The following NHSL1 variants were observed in gnomAD, a reference collection of about 807,000 sequenced individuals.
NHSL1 encodes NHS-like protein 1.
A neutral mutation model predicts 95.0 loss-of-function variants in NHSL1; 48 were observed. The ratio of observed to expected loss-of-function variants is 0.51; its 90% CI spans 0.40 to 0.64. NHSL1 has a LOEUF of 0.64. NHSL1 is among the 30% of genes least tolerant of loss of function. NHSL1 has a pLI of 0.00. For missense variants in NHSL1, 1,971 were observed against 2,077.7 expected (o/e 0.95, Z 1.00); for synonymous variants, 783 against 833.9 (o/e 0.94, Z 1.05).
In NHSL1 at chr6:138,432,441, C is replaced by A; in HGVS notation, c.1904G>T (p.Ser635Ile). ...SSDGFGNPRH[S>I]VINVFVGRAQ... The stretch of plus-strand genomic sequence containing the variant: ...TCTTCCAACAAAAACATTGATCACG[C>A]TGTGCCTGGGGTTCCCAAAGCCATC... The change falls in exon 6 of 8, where the codon AGC (serine) becomes ATC (isoleucine). Residue 635 changes from serine to isoleucine, a missense_variant. Physicochemically the swap from Ser to Ile is moderately radical, Grantham distance 142. Transcript: ENST00000343505. This position sits in a 1 kb window ranked among gnomAD's most constrained non-coding sequence, Gnocchi z 4.4. The A allele has an allele frequency of 6.4e-7, 1 of 1,552,384 alleles. No individual in the cohort carries two copies. Among genetic ancestry groups the A allele is most frequent in the Non-Finnish European group, 8.7e-7 (1 of 1,147,144 alleles).
intron 1 of NHSL1, among the ~76,000 whole-genome samples, chr6:138,557,901 G>T (rs961354459): frequency 6.6e-6 from 1 of 152,176 alleles, no homozygotes; most frequent in Non-Finnish European, 1.5e-5. Flanking sequence ...CACAAACCAT[G>T]ACCTGTAAAC....
intron 1 of NHSL1, among the ~76,000 whole-genome samples, chr6:138,551,022 A>G (rs2128332833): frequency 6.6e-6 from 1 of 152,306 alleles, no homozygotes; most frequent in East Asian, 1.9e-4. Flanking sequence ...TGAGGTCCAA[A>G]AATATTAAAA....
intron 1 of NHSL1, among the ~76,000 whole-genome samples, chr6:138,630,186 G>A (rs1038931167): frequency 3.3e-5 from 5 of 151,376 alleles, no homozygotes; most frequent in South Asian, 2.1e-4. Context: ...CAGCCTGAGC[G>A]ACAGAGTAAG....
At chr6:138,482,995 G>C (rs1472264603) in intron 2 of NHSL1, among the ~76,000 whole-genome samples, 2 of 152,216 alleles carry the variant, frequency 1.3e-5, no homozygotes, top group Non-Finnish European at 2.9e-5. Context: ...GTCTGGGATG[G>C]AGCCTGACAA....
upstream of NHSL1, among the ~76,000 whole-genome samples, chr6:138,547,585 A>G (rs1782850396): frequency 1.3e-5 from 2 of 152,064 alleles, no homozygotes; most frequent in African/African-American, 2.4e-5. Context: ...GGGTTTCACT[A>G]TTTTAGCCAG....
intron 1 of NHSL1, among the ~76,000 whole-genome samples, chr6:138,625,043 A>G: frequency 6.6e-6 from 1 of 152,210 alleles, no homozygotes; most frequent in Non-Finnish European, 1.5e-5. Context: ...TGTATTAATA[A>G]TTAAACTAAA....
At chr6:138,489,833 AGAGAGAGAGAGGGAGAGAGG>A (rs1292406382) in intron 2 of NHSL1, among the ~76,000 whole-genome samples, 38 of 82,096 alleles carry the variant, frequency 4.6e-4, no homozygotes, top group Non-Finnish European at 8.3e-4. Flanking sequence ...AGGGAGAGAG[AGAGAGAGAGAGGGAGAGAGG>A]GAGAGAGAGA....
At chr6:138,645,767 A>G (rs1456091827) in intron 1 of NHSL1, among the ~76,000 whole-genome samples, 1 of 151,912 alleles carries the variant, frequency 6.6e-6, no homozygotes, top group Non-Finnish European at 1.5e-5. Context: ...CAGCCTCCCA[A>G]AGTGCTGGGA....
chr6:138,671,331 T>C (rs991564563), intron 1 of NHSL1, among the ~76,000 whole-genome samples: 10 of 150,892 alleles, frequency 6.6e-5, no homozygotes, highest in Admixed American at 1.3e-4. Context: ...GCGCCTGTAA[T>C]CCCAGCTACT....
chr6:138,539,886 A>T (rs1192817957), intron 1 of NHSL1, among the ~76,000 whole-genome samples: 1 of 152,216 alleles, frequency 6.6e-6, no homozygotes, highest in African/African-American at 2.4e-5. Flanking sequence ...TAGCATGGTA[A>T]TCTGGCTTCT....
chr6:138,533,805 G>C (rs1212932881), intron 1 of NHSL1, among the ~76,000 whole-genome samples: 2 of 152,176 alleles, frequency 1.3e-5, no homozygotes, highest in Admixed American at 1.3e-4. Flanking sequence ...TCAGAGTGAT[G>C]CTTGAGAAGG....
rs1783190539 is a variant in NHSL1, at chr6:138,556,200, A to T, written c.202+15510T>A. Among the ~76,000 whole-genome samples, 3 of 152,234 alleles carry T rather than the reference A, an allele frequency of 2.0e-5. 1 individual carries two copies. The South Asian group carries it at 6.2e-4, about 32-fold the overall frequency. On this transcript the variant is annotated intron_variant, in intron 1 of 6. Transcript: ENST00000427025. ...GATTTCTCTCATTAGGTAAACACAA[A>T]AGTCAGAATTCTTTGAGTTTTCATT...
At chr6:138,452,732 C>T (rs561681911) in intron 3 of NHSL1, among the ~76,000 whole-genome samples, 98 of 152,236 alleles carry the variant, frequency 6.4e-4, no homozygotes, top group African/African-American at 2.1e-3. Context: ...GGTGCCAAAA[C>T]GTCTGCAGCC....
At chr6:138,644,798 T>C (rs911494604) in intron 1 of NHSL1, among the ~76,000 whole-genome samples, 21 of 152,250 alleles carry the variant, frequency 1.4e-4, no homozygotes, top group Admixed American at 9.8e-4. Context: ...CACGGGTACA[T>C]ATTTTAAATG....
Position 138,506,697 on chromosome 6 carries a change from T to C in NHSL1, c.17-10326A>G, listed in dbSNP as rs76419289. Among the ~76,000 whole-genome samples the C allele has an allele frequency of 6.1e-3, 934 of 152,226 alleles. 22 individuals carry two copies. The highest frequency in any genetic ancestry group is 0.047 in the Admixed American group (724 of 15,282). On this transcript the variant is annotated intron_variant, in intron 1 of 4. Coordinates refer to the NHSL1 transcript ENST00000342260. ...ATCTAAGGTCATAGAATAGTAAGAGTTTGATAGGAGTAGCTGGAAGAAGAA... is the reference window on the plus strand; with the variant it reads ...ATCTAAGGTCATAGAATAGTAAGAGCTTGATAGGAGTAGCTGGAAGAAGAA...
At chr6:138,564,068 T>A (rs1199378993) in intron 1 of NHSL1, among the ~76,000 whole-genome samples, 2 of 133,770 alleles carry the variant, frequency 1.5e-5, no homozygotes, top group Non-Finnish European at 3.0e-5. Flanking sequence ...CCTGATCAAA[T>A]TTTTTTTTTA....
chr6:138,682,746 T>C (rs905258784), intron 1 of NHSL1, among the ~76,000 whole-genome samples: 17 of 152,276 alleles, frequency 1.1e-4, no homozygotes, highest in Middle Eastern at 6.8e-3. Context: ...CTGGGGGTCC[T>C]TGCTAGGGAG....
At chr6:138,682,730 A>G (rs550850501) in intron 1 of NHSL1, among the ~76,000 whole-genome samples, 1 of 152,242 alleles carries the variant, frequency 6.6e-6, no homozygotes, top group African/African-American at 2.4e-5. Context: ...GCCTCATTGG[A>G]ATCACCTGGG....
At chr6:138,542,764 T>C (rs932901840) in intron 1 of NHSL1, among the ~76,000 whole-genome samples, 28 of 152,206 alleles carry the variant, frequency 1.8e-4, no homozygotes, top group African/African-American at 6.3e-4. Context: ...TTTTATTTAT[T>C]CTTTAAACAT....
Sources: gnomAD v4.1 joint callset for allele counts (sites outside exome capture counted in the v4.1 genomes callset) on GRCh38, gnomAD v4.1.1 for gene constraint, Gnocchi (gnomAD v3.1) non-coding constraint, MANE v1.5 for transcripts, NCBI Gene and HGNC (gene_info 2026-07-23, HGNC 2026-07-21) for gene names.